The following NRXN3 variants were observed in gnomAD, a reference collection of about 807,000 sequenced individuals.
The protein encoded by NRXN3 is neurexin III.
Under a neutral mutation model 137.6 loss-of-function variants are expected in NRXN3, and 32 were observed. The ratio of observed to expected loss-of-function variants is 0.23; its 90% confidence interval spans 0.18 to 0.31. The LOEUF is 0.31. NRXN3 is among the 10% of genes least tolerant of loss of function. The pLI, the probability that NRXN3 is intolerant of heterozygous loss-of-function variation, is 1.00. For synonymous variants in NRXN3, 798 were observed against 784.5 expected, an observed-to-expected ratio of 1.02 and a Z score of -0.29; for missense variants, 1,574 against 2,062.5, an observed-to-expected ratio of 0.76 and a Z score of 4.59.
intron 15 of NRXN3, among the ~76,000 whole-genome samples, chr14:79,136,804 G>C (rs970135798): frequency 6.6e-6 from 1 of 152,144 alleles, no homozygotes; most frequent in Non-Finnish European, 1.5e-5. Flanking sequence ...AGGCAAAAAC[G>C]AACACTGTAA....
intron 20 of NRXN3, among the ~76,000 whole-genome samples, chr14:79,820,502 A>G (rs2099268357): frequency 6.6e-6 from 1 of 152,182 alleles, no homozygotes; most frequent in African/African-American, 2.4e-5. Context: ...CTTTTCCTTA[A>G]GAAGTTTTTG....
intron 1 of NRXN3, among the ~76,000 whole-genome samples, chr14:78,240,977 TCA>T (rs1424554503): frequency 6.6e-6 from 1 of 152,130 alleles, no homozygotes; most frequent in Non-Finnish European, 1.5e-5. Context: ...CTCCTAGAAA[TCA>T]CACTCACTGT....
intron 10 of NRXN3, among the ~76,000 whole-genome samples, chr14:78,927,718 G>A (rs150770): frequency 0.33 from 49,986 of 151,946 alleles, 10,322 homozygotes; most frequent in African/African-American, 0.58. Flanking sequence ...TACTTTGCAG[G>A]CAGGATTACC....
intron 4 of NRXN3, among the ~76,000 whole-genome samples, chr14:78,378,980 A>C (rs1287035248): frequency 6.6e-6 from 1 of 152,198 alleles, no homozygotes; most frequent in Non-Finnish European, 1.5e-5. Context: ...CAATAAAAGA[A>C]TACTGCAAAG....
intron 14 of NRXN3, 37 bp downstream of exon 14, chr14:78,968,383 G>C (rs775315499): frequency 1.3e-6 from 2 of 1,598,164 alleles, no homozygotes; most frequent in Admixed American, 1.7e-5. Context: ...CTACAGCCTT[G>C]TTGCAAGCAC....
At chr14:79,410,652 G>A (rs1177152502) in intron 15 of NRXN3, among the ~76,000 whole-genome samples, 1 of 152,024 alleles carries the variant, frequency 6.6e-6, no homozygotes, top group Admixed American at 6.6e-5. Flanking sequence ...TTTGCCATTT[G>A]TGAAGTGGAA....
chr14:79,663,332 T>G (rs1339679853), intron 16 of NRXN3, among the ~76,000 whole-genome samples: 2 of 152,046 alleles, frequency 1.3e-5, no homozygotes, highest in Non-Finnish European at 2.9e-5. Context: ...TCTGTACACC[T>G]CTGCTTTGCC....
At chr14:78,914,589 G>A (rs935482664) in intron 10 of NRXN3, among the ~76,000 whole-genome samples, 2 of 152,120 alleles carry the variant, frequency 1.3e-5, no homozygotes, top group African/African-American at 2.4e-5. Context: ...ATTGCAAACA[G>A]AGGAAGCAGA....
rs568167406 is a variant in NRXN3 at position 79,258,161 on chromosome 14, G to T, written c.3263-209060G>T. The stretch of plus-strand genomic sequence containing the variant: ...TCATGCTTAAAAGTTCTGCATAAGG[G>T]TCACAAAAATTGTTAAGCTTCATTT... On this transcript the variant is annotated intron_variant, in intron 15 of 20. Transcript: ENST00000335750. 3.3e-5 allele frequency among the ~76,000 whole-genome samples: 5 copies of T among 152,198 alleles called. 1 individual carries two copies. The South Asian group carries it at 1.0e-3, about 32-fold the overall frequency.
intron 19 of NRXN3, among the ~76,000 whole-genome samples, chr14:79,707,957 G>A (rs1001563973): frequency 1.3e-5 from 2 of 152,124 alleles, no homozygotes; most frequent in Admixed American, 6.5e-5. Flanking sequence ...GGCTTAGGTT[G>A]AGAGAGATGA....
chr14:79,549,692 C>T (rs2097355039), intron 16 of NRXN3, among the ~76,000 whole-genome samples: 1 of 152,100 alleles, frequency 6.6e-6, no homozygotes, highest in Non-Finnish European at 1.5e-5. Flanking sequence ...CAGTATTAGT[C>T]ACTGGGTCCC....
At chr14:79,338,078 G>C (rs181036728) in intron 15 of NRXN3, among the ~76,000 whole-genome samples, 1 of 152,086 alleles carries the variant, frequency 6.6e-6, no homozygotes, top group Non-Finnish European at 1.5e-5. Flanking sequence ...TGTGAGGATT[G>C]TAACAATGAT....
intron 10 of NRXN3, among the ~76,000 whole-genome samples, chr14:78,847,482 G>A (rs2099030472): frequency 6.6e-6 from 1 of 152,014 alleles, no homozygotes; most frequent in East Asian, 1.9e-4. Context: ...AGCTTTGTGT[G>A]GCTGTCTGGA....
chr14:79,502,872 G>A (rs1044932436), intron 16 of NRXN3, among the ~76,000 whole-genome samples: 6 of 151,794 alleles, frequency 4.0e-5, no homozygotes, highest in African/African-American at 1.5e-4. Flanking sequence ...TTTGCCATCA[G>A]ATTTAGAGTA....
At chr14:79,546,299 C>A (rs2097319801) in intron 16 of NRXN3, among the ~76,000 whole-genome samples, 3 of 152,112 alleles carry the variant, frequency 2.0e-5, no homozygotes, top group Admixed American at 1.3e-4. Flanking sequence ...TTTCCTTATA[C>A]AATTGTTATG....
chr14:78,945,066 G>A (rs1306782609), intron 10 of NRXN3, among the ~76,000 whole-genome samples: 2 of 152,116 alleles, frequency 1.3e-5, no homozygotes, highest in Non-Finnish European at 2.9e-5. Flanking sequence ...CATCTCCCCC[G>A]GTGAAGTGTG....
At chr14:78,645,748 G>A (rs1034569958) in intron 5 of NRXN3, among the ~76,000 whole-genome samples, 10 of 151,412 alleles carry the variant, frequency 6.6e-5, no homozygotes, top group African/African-American at 1.9e-4. Flanking sequence ...GAATCTTATC[G>A]TATTATTGTT....
intron 15 of NRXN3, among the ~76,000 whole-genome samples, chr14:79,011,291 G>A (rs1218694815): frequency 6.6e-6 from 1 of 152,000 alleles, no homozygotes; most frequent in Non-Finnish European, 1.5e-5. Flanking sequence ...TGGTGTAAAA[G>A]TGATTGTTTT....
At chr14:78,884,256 T>A (rs190342915) in intron 10 of NRXN3, among the ~76,000 whole-genome samples, 1 of 152,286 alleles carries the variant, frequency 6.6e-6, no homozygotes, top group Admixed American at 6.5e-5. Flanking sequence ...CATTTATTTT[T>A]TGGGTATTTT....
Sources: allele counts gnomAD v4.1 joint callset (sites outside exome capture counted in the v4.1 genomes callset), GRCh38; gene constraint gnomAD v4.1.1; transcripts MANE v1.5; gene names NCBI Gene and HGNC (gene_info 2026-07-23, HGNC 2026-07-21).